The following RBFOX1 variants were observed in gnomAD, a reference collection of about 807,000 sequenced individuals.
The protein encoded by RBFOX1 is RNA binding protein fox-1 homolog 1.
Under a neutral mutation model 57.7 loss-of-function variants are expected in RBFOX1, and 8 were observed. The observed-to-expected ratio is 0.14, with a 90% CI of 0.08 to 0.25. The LOEUF is 0.25. Ranked by LOEUF, RBFOX1 falls within the 10% of genes least tolerant of loss-of-function variation. The probability of loss-of-function intolerance (pLI) is 1.00; values close to 1 mark genes in which losing one functional copy is unlikely to be tolerated. For missense variants in RBFOX1, 611 were observed against 548.5 expected, an observed-to-expected ratio of 1.11 and a Z score of -1.14; for synonymous variants, 326 against 222.4, an observed-to-expected ratio of 1.47 and a Z score of -4.15.
intron 14 of RBFOX1, chr16:7,693,416 CTTTTTTT>C: frequency 3.8e-6 from 3 of 782,654 alleles, no homozygotes; most frequent in Non-Finnish European, 3.7e-6. Context: ...TCTCAGTATC[CTTTTTTT>C]TTTTTTTTTT....
chr16:7,112,510 C>G (rs190738174), intron 4 of RBFOX1, among the ~76,000 whole-genome samples: 4 of 151,910 alleles, frequency 2.6e-5, no homozygotes, highest in African/African-American at 4.8e-5. Context: ...CCCAGCCTAA[C>G]AAACATTCTT....
At chr16:5,462,466 C>A (rs906268275) in intron 1 of RBFOX1, among the ~76,000 whole-genome samples, 1 of 152,140 alleles carries the variant, frequency 6.6e-6, no homozygotes, top group Non-Finnish European at 1.5e-5. Context: ...CCGCGCCCGG[C>A]CGAAACCCAG....
rs560386874 is a variant in RBFOX1 at position 7,294,876 on chromosome 16, G to C, written c.28-223271G>C. Among the ~76,000 whole-genome samples, 3 of 152,218 alleles carry C rather than the reference G, an allele frequency of 2.0e-5. No homozygotes were observed. In the South Asian group the frequency reaches 6.2e-4, roughly 32 times the overall value. ...GTTAAAAAGGATACTTTCTCATTTT[G>C]TTCAACAGACCAGAAAACCCTGTTT... On this transcript the variant is annotated intron_variant, in intron 4 of 15. Coordinates refer to ENST00000550418, the MANE Select transcript of RBFOX1 (RefSeq NM_018723.4).
At chr16:6,614,144 T>C (rs1346165868) in intron 2 of RBFOX1, among the ~76,000 whole-genome samples, 3 of 152,184 alleles carry the variant, frequency 2.0e-5, no homozygotes. Flanking sequence ...GAATTTCCCA[T>C]GTAAGATAAT....
Position 7,708,214 on chromosome 16 carries a change from G to A in RBFOX1, c.996-842G>A, listed in dbSNP as rs115430743. Among the ~76,000 whole-genome samples the A allele has an allele frequency of 7.6e-3, 1,151 of 151,902 alleles. 10 individuals carry two copies. The highest frequency in any genetic ancestry group is 0.026 in the African/African-American group (1,058 of 41,414). ...CAAGATCTGCCCTGTCTAGTTATGC[G>A]ACCTTGAGCAAGTGACTTCACTTGA... On this transcript the variant is annotated intron_variant, in intron 14 of 15. Coordinates refer to ENST00000550418, the MANE Select transcript of RBFOX1 (RefSeq NM_018723.4).
intron 11 of RBFOX1, 92 bp from the exon 12 acceptor site, chr16:7,653,723 C>T: frequency 6.4e-7 from 1 of 1,562,864 alleles, no homozygotes; most frequent in Non-Finnish European, 8.6e-7. Flanking sequence ...GGACCCTGTG[C>T]AGGGACAAGG....
chr16:6,043,909 C>T (rs1015722578), intron 1 of RBFOX1, among the ~76,000 whole-genome samples: 1 of 152,138 alleles, frequency 6.6e-6, no homozygotes, highest in Non-Finnish European at 1.5e-5. Context: ...CAGCCAGCCT[C>T]CTTTCCTTCT....
At chr16:7,015,770 T>C (rs1363235719) in intron 3 of RBFOX1, among the ~76,000 whole-genome samples, 2 of 152,136 alleles carry the variant, frequency 1.3e-5, no homozygotes, top group African/African-American at 2.4e-5. Flanking sequence ...TTTTTTTTTC[T>C]TAAAGATTTT....
At chr16:7,116,595 A>G (rs1412615633) in intron 4 of RBFOX1, among the ~76,000 whole-genome samples, 1 of 152,212 alleles carries the variant, frequency 6.6e-6, no homozygotes, top group African/African-American at 2.4e-5. Context: ...CTTTTGGAAA[A>G]GAAAAACAAA....
intron 4 of RBFOX1, among the ~76,000 whole-genome samples, chr16:7,163,796 G>C (rs970599537): frequency 6.6e-6 from 1 of 152,012 alleles, no homozygotes. Context: ...AGCTGGGACT[G>C]TAGGCGCATG....
At chr16:5,272,449 G>T (rs941252346) in intron 1 of RBFOX1, among the ~76,000 whole-genome samples, 2 of 152,184 alleles carry the variant, frequency 1.3e-5, no homozygotes, top group African/African-American at 2.4e-5. Flanking sequence ...GGCCCACAGA[G>T]TCCTTGGTCC....
At chr16:6,820,055 A>G (rs2090993348) in intron 3 of RBFOX1, among the ~76,000 whole-genome samples, 1 of 152,130 alleles carries the variant, frequency 6.6e-6, no homozygotes, top group Non-Finnish European at 1.5e-5. Flanking sequence ...GTAAAATTGA[A>G]TCGTGGGGCT....
intron 5 of RBFOX1, among the ~76,000 whole-genome samples, chr16:7,560,844 C>T (rs1485849533): frequency 6.6e-6 from 1 of 152,194 alleles, no homozygotes; most frequent in Non-Finnish European, 1.5e-5. Context: ...AACATTTGCT[C>T]CTGAGCTCTG....
intron 1 of RBFOX1, among the ~76,000 whole-genome samples, chr16:5,334,694 G>A (rs1275274237): frequency 6.6e-6 from 1 of 151,852 alleles, no homozygotes; most frequent in Admixed American, 6.6e-5. Flanking sequence ...CAAAACGATT[G>A]TTCTCTTTAC....
intron 3 of RBFOX1, among the ~76,000 whole-genome samples, chr16:6,868,211 C>T (rs1314180979): frequency 6.6e-6 from 1 of 151,962 alleles, no homozygotes; most frequent in Admixed American, 6.6e-5. Context: ...GCCTCCAAGT[C>T]ATTTAATTTA....
intron 3 of RBFOX1, among the ~76,000 whole-genome samples, chr16:5,760,495 G>A (rs567969727): frequency 8.5e-5 from 13 of 152,170 alleles, no homozygotes; most frequent in African/African-American, 3.1e-4. Flanking sequence ...ATAATGTTGT[G>A]AAAAGAACCC....
chr16:5,724,061 G>A (rs753867208), intron 3 of RBFOX1, among the ~76,000 whole-genome samples: 1 of 152,194 alleles, frequency 6.6e-6, no homozygotes, highest in Non-Finnish European at 1.5e-5. Context: ...GTGCCTGCGT[G>A]CAGACTGCTC....
intron 4 of RBFOX1, among the ~76,000 whole-genome samples, chr16:6,010,290 A>G (rs146896978): frequency 2.0e-5 from 3 of 152,154 alleles, no homozygotes; most frequent in East Asian, 3.9e-4. Context: ...AGGATAACCA[A>G]CCGTCACCAA....
At chr16:7,268,878 A>C (rs553270971) in intron 4 of RBFOX1, among the ~76,000 whole-genome samples, 6 of 151,888 alleles carry the variant, frequency 4.0e-5, no homozygotes, top group African/African-American at 1.5e-4. Flanking sequence ...CTCTACTAAA[A>C]ATACAAAAAT....
Sources: allele counts gnomAD v4.1 joint callset (sites outside exome capture counted in the v4.1 genomes callset), GRCh38; gene constraint gnomAD v4.1.1; transcripts MANE v1.5; gene names NCBI Gene and HGNC (gene_info 2026-07-23, HGNC 2026-07-21).